Variants in CHEK1 observed in about 807,000 individuals in gnomAD.
CHEK1 encodes the protein serine/threonine-protein kinase Chk1.
CHEK1 carries 32 observed loss-of-function variants against 60.2 expected under a neutral mutation model. That is an observed-to-expected ratio of 0.53 (90% confidence interval 0.40 to 0.71). The LOEUF (loss-of-function observed/expected upper bound fraction) is 0.71, where lower values mean the gene tolerates loss of function less well. Among genes scored for constraint, CHEK1 ranks in the 30% least tolerant of loss-of-function variants. CHEK1 has a pLI of 0.00. For synonymous variants in CHEK1, 179 were observed against 187.2 expected (o/e 0.96, Z 0.36); for missense variants, 399 against 564.6 (o/e 0.71, Z 2.97).
Position 125,653,853 on chromosome 11 carries a change from T to C in CHEK1, c.1335+6T>C, listed in dbSNP as rs571804676. The C allele has an allele frequency of 1.9e-4, 274 of 1,448,056 alleles. 3 individuals carry two copies. The South Asian group carries it at 3.1e-3, about 16-fold the overall frequency. 89.7% of individuals were successfully genotyped at this position (1,448,056 alleles called of 1,614,324 possible). On this transcript the variant is annotated splice_donor_region_variant and intron_variant, in intron 12 of 12. Coordinates refer to ENST00000438015, the MANE Select transcript of CHEK1 (RefSeq NM_001114122.3). The surrounding 1 kb of genome is among the most constrained non-coding windows in gnomAD (Gnocchi z 4.3). ...TTGACTTCCGGCTTTCTAAGGTATTTTTATGTTTTATTGTATTCTTTCTAT... is the reference window on the plus strand; with the variant it reads ...TTGACTTCCGGCTTTCTAAGGTATTCTTATGTTTTATTGTATTCTTTCTAT...
chr11:125,652,197 A>G (rs1341573357), intron 11 of CHEK1, among the ~76,000 whole-genome samples: 1 of 152,162 alleles, frequency 6.6e-6, no homozygotes, highest in Admixed American at 6.5e-5. Context: ...ATCCAGCTGT[A>G]GTCATTTGAT....
At chr11:125,677,994 G>A (rs775114733), downstream of CHEK1, 6 of 1,613,622 alleles carry the variant, frequency 3.7e-6, no homozygotes, top group Non-Finnish European at 4.2e-6. Context: ...TTCACCTGAA[G>A]GCTGTTCTCC....
At chr11:125,661,013 T>C (rs1942002887), downstream of CHEK1, among the ~76,000 whole-genome samples, 1 of 152,130 alleles carries the variant, frequency 6.6e-6, no homozygotes, top group African/African-American at 2.4e-5. Context: ...TGACCTCAGG[T>C]GATCAGCCCA....
At chr11:125,667,273 C>T (rs940282581) in intron 13 of CHEK1, among the ~76,000 whole-genome samples, 4 of 152,140 alleles carry the variant, frequency 2.6e-5, no homozygotes, top group African/African-American at 7.2e-5. Context: ...TTTCTCTTCT[C>T]GCATTAGGTC....
intron 13 of CHEK1, among the ~76,000 whole-genome samples, chr11:125,666,228 TTTTAC>T (rs1250462650): frequency 1.3e-5 from 2 of 151,980 alleles, no homozygotes; most frequent in Non-Finnish European, 2.9e-5. Context: ...AAATTTTTAA[TTTTAC>T]TTCTAATTTT....
At chr11:125,626,487 A>C in intron 1 of CHEK1, 1 of 508,286 alleles carries the variant, frequency 2.0e-6, no homozygotes. Context: ...CTTCATAACA[A>C]CAATTAATTT....
downstream of CHEK1, chr11:125,680,635 G>A (rs1236754631): frequency 8.6e-7 from 1 of 1,156,504 alleles, no homozygotes; most frequent in Non-Finnish European, 1.3e-6. Context: ...GATTGGTTTG[G>A]GTGACTGAGA....
intron 13 of CHEK1, among the ~76,000 whole-genome samples, chr11:125,672,915 G>A (rs777778627): frequency 2.6e-5 from 4 of 152,004 alleles, no homozygotes; most frequent in Non-Finnish European, 5.9e-5. Context: ...TTGTCAGTCC[G>A]TTTCTATGGA....
chr11:125,652,263 G>A (rs1437687484), intron 11 of CHEK1, among the ~76,000 whole-genome samples: 1 of 152,158 alleles, frequency 6.6e-6, no homozygotes, highest in Admixed American at 6.5e-5. Context: ...TGGAGTCTTG[G>A]CACTGTCTGT....
chr11:125,659,369 TA>T (rs1941973987), downstream of CHEK1, among the ~76,000 whole-genome samples: 1 of 152,148 alleles, frequency 6.6e-6, no homozygotes, highest in Non-Finnish European at 1.5e-5. Context: ...GTTTGATTGC[TA>T]TGATAGTTTC....
intron 7 of CHEK1, chr11:125,636,021 G>A (rs989184115): frequency 6.6e-6 from 1 of 152,146 alleles, no homozygotes; most frequent in Non-Finnish European, 1.5e-5. Context: ...ACTGAGCACT[G>A]TAAGGAATTG....
At chr11:125,642,210 T>A (rs1941335881) in intron 8 of CHEK1, among the ~76,000 whole-genome samples, 1 of 152,222 alleles carries the variant, frequency 6.6e-6, no homozygotes, top group Non-Finnish European at 1.5e-5. Context: ...TTCCTGGCCA[T>A]GCTATTTAAA....
At chr11:125,646,976 A>G (rs959731092) in intron 11 of CHEK1, among the ~76,000 whole-genome samples, 1 of 152,108 alleles carries the variant, frequency 6.6e-6, no homozygotes, top group African/African-American at 2.4e-5. Context: ...GATGAATTCC[A>G]GTGGATCTAT....
chr11:125,652,518 AAGAC>A (rs751502556), intron 11 of CHEK1, among the ~76,000 whole-genome samples: 9 of 152,162 alleles, frequency 5.9e-5, no homozygotes, highest in Non-Finnish European at 1.2e-4. Flanking sequence ...ATTTTGGTAA[AAGAC>A]AGTAAGTTTT....
chr11:125,676,502 T>C (rs751568375), downstream of CHEK1: 1 of 1,613,756 alleles, frequency 6.2e-7, no homozygotes. Context: ...ATAAGCCTGA[T>C]GACATTTCCT....
intron 6 of CHEK1, 120 bp from the exon 7 acceptor site, chr11:125,635,309 A>C (rs903693960): frequency 1.7e-6 from 1 of 593,648 alleles, no homozygotes; most frequent in Non-Finnish European, 2.8e-6. Context: ...TGGGATTCTT[A>C]GTGTGAAAAC....
downstream of CHEK1, chr11:125,676,436 T>C: frequency 6.2e-7 from 1 of 1,614,130 alleles, no homozygotes. Flanking sequence ...ACATTTTCCT[T>C]GATCATTCAT....
At chr11:125,655,167 C>A in intron 12 of CHEK1, 58 bp from the exon 13 acceptor site, 2 of 1,278,090 alleles carry the variant, frequency 1.6e-6, no homozygotes, top group African/African-American at 1.5e-5. Flanking sequence ...GATTTTAGGA[C>A]AGAATTTTGT....
intron 13 of CHEK1, among the ~76,000 whole-genome samples, chr11:125,670,243 C>T (rs763371556): frequency 6.6e-6 from 1 of 152,148 alleles, no homozygotes; most frequent in African/African-American, 2.4e-5. Context: ...TCGTATGGCA[C>T]TATTTTCCTT....
Sources: allele counts gnomAD v4.1 joint callset (sites outside exome capture counted in the v4.1 genomes callset), GRCh38; gene constraint gnomAD v4.1.1; non-coding constraint Gnocchi (gnomAD v3.1); transcripts MANE v1.5; gene names NCBI Gene and HGNC (gene_info 2026-07-23, HGNC 2026-07-21).